The following GRIK3 variants were observed in gnomAD, a reference collection of about 807,000 sequenced individuals.
GRIK3 encodes the protein glutamate receptor ionotropic, kainate 3.
Under a neutral mutation model 102.5 loss-of-function variants are expected in GRIK3, and 29 were observed. That is an observed-to-expected ratio of 0.28 (90% CI 0.21 to 0.39). The LOEUF (loss-of-function observed/expected upper bound fraction) is 0.39. GRIK3 is among the 10% of genes least tolerant of loss of function. The pLI is 1.00. For missense variants in GRIK3, 908 were observed against 1,252.4 expected, an observed-to-expected ratio of 0.73 and a Z score of 4.15; for synonymous variants, 511 against 504.9, an observed-to-expected ratio of 1.01 and a Z score of -0.16.
intron 1 of GRIK3, among the ~76,000 whole-genome samples, chr1:36,961,845 A>C (rs1371665019): frequency 2.0e-5 from 3 of 152,222 alleles, no homozygotes; most frequent in Admixed American, 2.0e-4. Context: ...GCACTGTCCT[A>C]GGTGCGGGGG....
chr1:36,883,334 C>A (rs2124265755), intron 2 of GRIK3, among the ~76,000 whole-genome samples: 1 of 152,304 alleles, frequency 6.6e-6, no homozygotes, highest in South Asian at 2.1e-4. Context: ...AGAGGTAGCA[C>A]CAGGACCCCA....
At position 36,944,676 on chromosome 1, in the gene GRIK3, C is replaced by T. The variant is rs1251340095; in HGVS notation, c.116-53580G>A. The stretch of plus-strand genomic sequence containing the variant: ...ATTGCACCTCAGTCCTCCACCGCAC[C>T]CCCTTCCCTGTGATCTCCCAAGGCC... On this transcript the variant is annotated intron_variant, in intron 1 of 15. Coordinates refer to ENST00000373091, the MANE Select transcript of GRIK3 (RefSeq NM_000831.4). Among the ~76,000 whole-genome samples the T allele has an allele frequency of 2.0e-5, 3 of 152,122 alleles. No homozygotes were observed. In the East Asian group the frequency reaches 5.8e-4, roughly 29 times the overall value.
At chr1:36,871,558 A>G (rs1640844018) in intron 4 of GRIK3, among the ~76,000 whole-genome samples, 1 of 152,164 alleles carries the variant, frequency 6.6e-6, no homozygotes, top group Admixed American at 6.5e-5. Context: ...AGGCGATTTC[A>G]CTGTTTATTT....
At chr1:36,957,170 TAG>T (rs758764302) in intron 1 of GRIK3, among the ~76,000 whole-genome samples, 8 of 152,192 alleles carry the variant, frequency 5.3e-5, no homozygotes, top group Non-Finnish European at 7.4e-5. Context: ...CTCTTATCAA[TAG>T]AGAGAGAGGG....
chr1:36,804,535 C>A (rs1642476356), intron 15 of GRIK3: 2 of 193,504 alleles, frequency 1.0e-5, no homozygotes, highest in Non-Finnish European at 2.1e-5. Flanking sequence ...CCTTTTTAAA[C>A]TTTTGATTAT....
Position 36,850,219 on chromosome 1 carries a change from T to C in GRIK3, c.1326+92A>G. The C allele has an allele frequency of 1.3e-6, 1 of 776,510 alleles. No homozygotes were observed. The highest frequency in any genetic ancestry group is 1.5e-5 in the South Asian group (1 of 68,892). 48.1% of individuals were successfully genotyped at this position (776,510 alleles called of 1,614,324 possible). A position where few individuals can be genotyped will look rare whatever the true frequency, so the allele number is the denominator to read the frequency against. ...CCACCTACCTGCAGCCTCCATCTTC[T>C]GGGTGGGGGGGATAGAGGGGACTCT... On this transcript the variant is annotated intron_variant, in intron 9 of 15. Transcript: ENST00000373091. The surrounding 1 kb of genome is among the most constrained non-coding windows in gnomAD (Gnocchi z 4.0).
At chr1:36,804,954 C>G in intron 15 of GRIK3, 33 bp downstream of exon 15, 1 of 1,610,220 alleles carries the variant, frequency 6.2e-7, no homozygotes, top group Non-Finnish European at 8.5e-7. Flanking sequence ...CTCCATTTCC[C>G]ATCCTGTGCA....
rs1385462381 is a variant in GRIK3 at position 36,801,918 on chromosome 1, T to C, written c.2693A>G (p.Asn898Ser). 1.9e-6 allele frequency: 3 copies of C among 1,614,054 alleles called. No individual in the cohort carries two copies. Among genetic ancestry groups the C allele is most frequent in the Non-Finnish European group, 2.5e-6 (3 of 1,179,988 alleles). Reference protein sequence around the residue: ...TDAVINMHTFNDRRLPGKDSM... With the variant: ...TDAVINMHTFSDRRLPGKDSM... ...GTCCTTGCCGGGAAGCCGGCGGTCA[T>C]TGAATGTGTGCATGTTGATGACGGC... Residue 898 changes from asparagine (N) to serine (S), a missense_variant, in exon 16 of 16, where the codon AAT becomes AGT. By Grantham distance (46) the Asn-to-Ser change is conservative. Around this residue, in one of 3 missense-constraint regions of GRIK3, gnomAD observed 297 missense variants for 362.7 expected, o/e 0.82. Transcript: ENST00000373091.
At chr1:36,935,496 G>A (rs1335605519) in intron 1 of GRIK3, among the ~76,000 whole-genome samples, 1 of 152,058 alleles carries the variant, frequency 6.6e-6, no homozygotes, top group African/African-American at 2.4e-5. Context: ...GGGGTCCTAT[G>A]ACCGCTCTGT....
chr1:36,908,910 C>T (rs536572087), intron 1 of GRIK3, among the ~76,000 whole-genome samples: 52 of 152,086 alleles, frequency 3.4e-4, no homozygotes, highest in African/African-American at 1.1e-3. Context: ...GGAAGCCCAA[C>T]GGGTAAAACA....
rs1642369430 is a variant in GRIK3, at chr1:36,796,769, GC to G, written c.*5081del. The G allele has an allele frequency of 6.6e-6, 1 of 152,168 alleles. No homozygotes were observed. Among genetic ancestry groups the G allele is most frequent in the Non-Finnish European group, 1.5e-5 (1 of 68,046 alleles). 9.4% of individuals were successfully genotyped at this position (152,168 alleles called of 1,614,324 possible). ...GCAGAGGCTTTTGCTACCTAGAATA[GC>G]CCCGCCTTCTAGGGTATCCTAGATG... On this transcript the variant is annotated 3_prime_UTR_variant, in exon 16 of 16. Transcript: ENST00000373091.
At chr1:36,975,508 AT>A (rs1296842180) in intron 1 of GRIK3, among the ~76,000 whole-genome samples, 2 of 152,100 alleles carry the variant, frequency 1.3e-5, no homozygotes, top group Admixed American at 6.5e-5. Context: ...ATTAGCCAGT[AT>A]GGTCTCGATC....
At chr1:36,840,716 C>T (rs1207924655) in intron 10 of GRIK3, among the ~76,000 whole-genome samples, 1 of 152,140 alleles carries the variant, frequency 6.6e-6, no homozygotes, top group Non-Finnish European at 1.5e-5. Flanking sequence ...GATTCTGTCT[C>T]TAACAACAGC....
chr1:36,905,993 G>A (rs1448923105), intron 1 of GRIK3, among the ~76,000 whole-genome samples: 1 of 152,206 alleles, frequency 6.6e-6, no homozygotes, highest in East Asian at 1.9e-4. Flanking sequence ...AACAAGGATG[G>A]TGACATGTCT....
chr1:36,816,765 C>T (rs1339490733), intron 13 of GRIK3, among the ~76,000 whole-genome samples: 1 of 152,166 alleles, frequency 6.6e-6, no homozygotes, highest in Non-Finnish European at 1.5e-5. Context: ...TCCCACTTCT[C>T]CAGGCCCCTC....
At chr1:36,832,566 A>G (rs1640318561) in intron 10 of GRIK3, among the ~76,000 whole-genome samples, 2 of 152,226 alleles carry the variant, frequency 1.3e-5, no homozygotes, top group Admixed American at 1.3e-4. Context: ...CGATGGGTCA[A>G]CTACTAGTAC....
intron 1 of GRIK3, among the ~76,000 whole-genome samples, chr1:37,003,525 G>T (rs891304059): frequency 6.6e-6 from 1 of 152,136 alleles, no homozygotes; most frequent in Non-Finnish European, 1.5e-5. Flanking sequence ...GAGGTGGTGG[G>T]GGTCTGTCTG....
At chr1:36,823,740 C>A (rs189358067) in intron 11 of GRIK3, among the ~76,000 whole-genome samples, 3 of 152,238 alleles carry the variant, frequency 2.0e-5, no homozygotes, top group East Asian at 3.9e-4. Flanking sequence ...CAGGTACTTG[C>A]GTTTGTCATC....
intron 1 of GRIK3, among the ~76,000 whole-genome samples, chr1:36,954,736 C>A (rs573052352): frequency 2.0e-5 from 3 of 152,356 alleles, no homozygotes; most frequent in Admixed American, 1.3e-4. Flanking sequence ...CATGTGTACA[C>A]ACCTGTGCAC....
Sources: allele counts gnomAD v4.1 joint callset (sites outside exome capture counted in the v4.1 genomes callset), GRCh38; gene constraint gnomAD v4.1.1; regional missense constraint gnomAD v4.1.1; non-coding constraint Gnocchi (gnomAD v3.1); transcripts MANE v1.5; gene names NCBI Gene and HGNC (gene_info 2026-07-23, HGNC 2026-07-21).